Variants in ATP11A observed in about 807,000 individuals in gnomAD.
ATP11A encodes ATPase phospholipid transporting 11A, also known as phospholipid-transporting ATPase IH.
Under a neutral mutation model 154.4 loss-of-function variants are expected in ATP11A, and 81 were observed. That is an observed-to-expected ratio of 0.52 (90% CI 0.44 to 0.63). The LOEUF is 0.63. Among genes scored for constraint, ATP11A ranks in the 30% least tolerant of loss-of-function variants. The probability of loss-of-function intolerance (pLI) is 0.00; values close to 1 mark genes in which losing one functional copy is unlikely to be tolerated. For synonymous variants in ATP11A, 623 were observed against 585.9 expected (o/e 1.06, Z -0.91); for missense variants, 1,316 against 1,474.3 (o/e 0.89, Z 1.76).
chr13:112,860,315 T>G lies in ATP11A; in HGVS notation c.2756T>G (p.Leu919Arg). ...QTLYDTAYLT[L>R]YNISFTSLPI... Reference sequence around the variant, plus strand: ...TTGTACGACACCGCGTATCTGACCCTCTACAACATCAGCTTCACCTCCCTC... The same window carrying G: ...TTGTACGACACCGCGTATCTGACCCGCTACAACATCAGCTTCACCTCCCTC... Residue 919 changes from leucine (L) to arginine (R), a missense_variant, in exon 24 of 30, where the codon CTC becomes CGC. Leu to Arg is a moderately radical substitution (Grantham distance 102). Coordinates refer to ENST00000375645, the MANE Select transcript of ATP11A (RefSeq NM_015205.3). The G allele has an allele frequency of 6.2e-7, 1 of 1,614,200 alleles. No individual in the cohort carries two copies. The highest frequency in any genetic ancestry group is 8.5e-7 in the Non-Finnish European group (1 of 1,180,036).
intron 1 of ATP11A, among the ~76,000 whole-genome samples, chr13:112,713,185 A>G (rs1042269181): frequency 2.0e-5 from 3 of 152,186 alleles, no homozygotes; most frequent in African/African-American, 7.2e-5. Context: ...TCACAAGGTC[A>G]GGAGTTTGAG....
intron 1 of ATP11A, among the ~76,000 whole-genome samples, chr13:112,702,055 CTT>C (rs761892884): frequency 1.9e-4 from 29 of 151,310 alleles, no homozygotes; most frequent in Non-Finnish European, 3.8e-4. Context: ...CAAAAACACT[CTT>C]AAGTACAGCC....
intron 10 of ATP11A, among the ~76,000 whole-genome samples, chr13:112,825,221 G>C (rs979589607): frequency 2.0e-5 from 3 of 152,184 alleles, no homozygotes; most frequent in Non-Finnish European, 4.4e-5. Flanking sequence ...CCCCGTCTTG[G>C]TTCTTACCTT....
At chr13:112,826,109 A>T (rs2078927601) in intron 11 of ATP11A, among the ~76,000 whole-genome samples, 1 of 133,290 alleles carries the variant, frequency 7.5e-6, no homozygotes, top group Non-Finnish European at 1.6e-5. Flanking sequence ...CTGTGTCCCC[A>T]CTGTCCAGAG....
chr13:112,846,505 G>A (rs2079612158), intron 17 of ATP11A, among the ~76,000 whole-genome samples: 1 of 152,170 alleles, frequency 6.6e-6, no homozygotes, highest in Non-Finnish European at 1.5e-5. Flanking sequence ...CTTAACATGG[G>A]GCGTGTGTGA....
At chr13:112,802,513 ATTTC>A (rs1321164534) in intron 2 of ATP11A, among the ~76,000 whole-genome samples, 5 of 138,198 alleles carry the variant, frequency 3.6e-5, no homozygotes, top group Non-Finnish European at 4.6e-5. Flanking sequence ...GAAAAGCACT[ATTTC>A]TTTTCAACAA....
chr13:112,864,214 A>T (rs1474082564), intron 25 of ATP11A, among the ~76,000 whole-genome samples: 1 of 126,860 alleles, frequency 7.9e-6, no homozygotes, highest in Admixed American at 8.3e-5. Flanking sequence ...GTCCATCACC[A>T]CATGGGCAGT....
chr13:112,790,866 G>C (rs2077833424), intron 2 of ATP11A, among the ~76,000 whole-genome samples: 1 of 152,136 alleles, frequency 6.6e-6, no homozygotes, highest in African/African-American at 2.4e-5. Context: ...GGATTAATTT[G>C]TAACTACAGG....
chr13:112,874,922 C>T (rs200269532), intron 27 of ATP11A, among the ~76,000 whole-genome samples: 21 of 152,310 alleles, frequency 1.4e-4, no homozygotes, highest in South Asian at 1.0e-3. Context: ...AGCCACAGCC[C>T]GTCAGCCTTG....
chr13:112,826,595 C>T (rs1361250760), intron 11 of ATP11A, 99 bp from the exon 12 acceptor site: 7 of 964,952 alleles, frequency 7.3e-6, no homozygotes, highest in South Asian at 1.3e-5. Flanking sequence ...TAGTAGCGCT[C>T]GTATAACTTA....
At chr13:112,737,029 AC>A (rs1259854551) in intron 1 of ATP11A, among the ~76,000 whole-genome samples, 1 of 152,202 alleles carries the variant, frequency 6.6e-6, no homozygotes, top group Non-Finnish European at 1.5e-5. Context: ...CCTGGAAACA[AC>A]CCACATGTCT....
At chr13:112,721,086 C>G (rs903354166) in intron 1 of ATP11A, among the ~76,000 whole-genome samples, 3 of 152,144 alleles carry the variant, frequency 2.0e-5, no homozygotes, top group Admixed American at 1.3e-4. Context: ...AGTTGCTGAT[C>G]GGGAAAGGGT....
intron 29 of ATP11A, chr13:112,880,803 G>T: frequency 1.0e-6 from 1 of 985,458 alleles, no homozygotes; most frequent in Non-Finnish European, 1.2e-6. Context: ...GCTGTCCCAG[G>T]TAAGTAACAC....
chr13:112,703,602 C>T (rs1566353083), intron 1 of ATP11A, among the ~76,000 whole-genome samples: 1 of 152,190 alleles, frequency 6.6e-6, no homozygotes, highest in East Asian at 1.9e-4. Context: ...AACGTAATTA[C>T]TTAGTGAGAA....
intron 18 of ATP11A, among the ~76,000 whole-genome samples, chr13:112,852,482 G>C (rs921636429): frequency 1.3e-5 from 2 of 152,236 alleles, no homozygotes; most frequent in Non-Finnish European, 2.9e-5. Context: ...ACCGTGTAAA[G>C]AACGCGACTT....
chr13:112,762,233 G>A (rs2076980046), intron 1 of ATP11A, among the ~76,000 whole-genome samples: 1 of 152,096 alleles, frequency 6.6e-6, no homozygotes, highest in African/African-American at 2.4e-5. Context: ...GCCGGGTCCT[G>A]CTGGCCTCCT....
At chr13:112,742,908 T>C (rs1891707741) in intron 1 of ATP11A, among the ~76,000 whole-genome samples, 1 of 152,200 alleles carries the variant, frequency 6.6e-6, no homozygotes, top group Non-Finnish European at 1.5e-5. Flanking sequence ...TTTTCCTTAT[T>C]GTGTACGTGG....
chr13:112,838,684 C>T lies in ATP11A; in HGVS notation c.1705+2433C>T, dbSNP rs2140277597. On this transcript the variant is annotated intron_variant, in intron 16 of 29. Transcript: ENST00000375645. The surrounding 1 kb of genome is among the most constrained non-coding windows in gnomAD (Gnocchi z 7.3). The stretch of plus-strand genomic sequence containing the variant: ...TCACTCGAAGAATCCGGGTTGGAGG[C>T]ATTTGTGCCATGAGAATATCCCTAT... Among the ~76,000 whole-genome samples the T allele has an allele frequency of 6.6e-6, 1 of 152,356 alleles. No homozygotes were observed. Among genetic ancestry groups the T allele is most frequent in the African/African-American group, 2.4e-5 (1 of 41,592 alleles).
chr13:112,759,980 A>G (rs1306315599), intron 1 of ATP11A, among the ~76,000 whole-genome samples: 1 of 152,332 alleles, frequency 6.6e-6, no homozygotes, highest in African/African-American at 2.4e-5. Flanking sequence ...TCCTGTCATC[A>G]TTAACTGGAC....
Sources: gnomAD v4.1 joint callset for allele counts (sites outside exome capture counted in the v4.1 genomes callset) on GRCh38, gnomAD v4.1.1 for gene constraint, Gnocchi (gnomAD v3.1) non-coding constraint, MANE v1.5 for transcripts, NCBI Gene and HGNC (gene_info 2026-07-23, HGNC 2026-07-21) for gene names.